The following CSMD1 variants were observed in gnomAD, a reference collection of about 807,000 sequenced individuals.
The protein encoded by CSMD1 is CUB and Sushi multiple domains 1.
In CSMD1, 213 loss-of-function variants were observed where a neutral mutation model predicts 417.5. The ratio of observed to expected loss-of-function variants is 0.51; its 90% CI spans 0.46 to 0.57. The LOEUF is 0.57. CSMD1 is among the 20% of genes least tolerant of loss of function. CSMD1 has a pLI of 0.00. For synonymous variants in CSMD1, 2,862 were observed against 1,736.8 expected (o/e 1.65, Z -16.11); for missense variants, 6,923 against 4,529.7 (o/e 1.53, Z -15.17).
At chr8:3,231,716 T>C (rs1457827783) in intron 26 of CSMD1, among the ~76,000 whole-genome samples, 1 of 152,138 alleles carries the variant, frequency 6.6e-6, no homozygotes, top group Non-Finnish European at 1.5e-5. Flanking sequence ...TATCCAATAG[T>C]GTCATATGAT....
intron 3 of CSMD1, among the ~76,000 whole-genome samples, chr8:4,345,151 A>C (rs1335072675): frequency 2.0e-5 from 3 of 152,164 alleles, no homozygotes; most frequent in Admixed American, 1.3e-4. Context: ...AAGAAGCAGA[A>C]AACAGTGGAA....
chr8:4,083,134 A>G (rs936236060), intron 3 of CSMD1, among the ~76,000 whole-genome samples: 37 of 152,232 alleles, frequency 2.4e-4, no homozygotes, highest in African/African-American at 8.9e-4. Flanking sequence ...ATACCCAGTA[A>G]CGGGATGGCT....
At chr8:4,890,393 C>T (rs939419570) in intron 1 of CSMD1, among the ~76,000 whole-genome samples, 3 of 151,904 alleles carry the variant, frequency 2.0e-5, no homozygotes, top group Admixed American at 2.0e-4. Context: ...CAGCCATGGG[C>T]ATCCTGGGCA....
chr8:4,452,548 TTTTTC>T (rs1799211815), intron 2 of CSMD1, among the ~76,000 whole-genome samples: 1 of 152,200 alleles, frequency 6.6e-6, no homozygotes. Flanking sequence ...AATAATTCAC[TTTTTC>T]CAATCATTTT....
chr8:3,543,750 G>A (rs1305475195), intron 10 of CSMD1, among the ~76,000 whole-genome samples: 2 of 152,102 alleles, frequency 1.3e-5, no homozygotes, highest in Non-Finnish European at 2.9e-5. Context: ...GATGTCTGTT[G>A]GACACTTAGT....
intron 5 of CSMD1, among the ~76,000 whole-genome samples, chr8:3,949,679 G>T (rs867233686): frequency 6.6e-6 from 1 of 152,052 alleles, no homozygotes; most frequent in Admixed American, 6.6e-5. Context: ...AGGAGGAGGA[G>T]AAGGAGGAAT....
intron 6 of CSMD1, among the ~76,000 whole-genome samples, chr8:3,734,777 C>G (rs1796441035): frequency 6.6e-6 from 1 of 152,186 alleles, no homozygotes; most frequent in African/African-American, 2.4e-5. Flanking sequence ...AATCAGATCT[C>G]TCTGCTCTCT....
chr8:3,827,828 C>G (rs1438506452), intron 5 of CSMD1, among the ~76,000 whole-genome samples: 4 of 152,146 alleles, frequency 2.6e-5, no homozygotes, highest in Admixed American at 2.6e-4. Context: ...AAAAGTCGGT[C>G]CACTAATAAC....
chr8:3,161,843 C>T (rs1233905489), intron 38 of CSMD1, among the ~76,000 whole-genome samples: 2 of 152,028 alleles, frequency 1.3e-5, no homozygotes, highest in Non-Finnish European at 2.9e-5. Flanking sequence ...TACTGGCTGC[C>T]AGGAGAGGAC....
At chr8:4,299,721 C>T (rs750650653) in intron 3 of CSMD1, among the ~76,000 whole-genome samples, 1 of 152,078 alleles carries the variant, frequency 6.6e-6, no homozygotes, top group Non-Finnish European at 1.5e-5. Context: ...ACCCCTGACT[C>T]CCCATTTCAA....
intron 7 of CSMD1, among the ~76,000 whole-genome samples, chr8:3,675,322 C>T (rs1799317312): frequency 6.6e-6 from 1 of 152,214 alleles, no homozygotes; most frequent in Non-Finnish European, 1.5e-5. Context: ...CACGTCTCCA[C>T]TGTCTAACAT....
chr8:3,438,667 T>G (rs766153646), intron 12 of CSMD1, among the ~76,000 whole-genome samples: 63 of 152,220 alleles, frequency 4.1e-4, no homozygotes, highest in African/African-American at 1.5e-3. Flanking sequence ...TTTGGGTGAT[T>G]TCCTGTCTTT....
At position 4,220,135 on chromosome 8, in the gene CSMD1, G is replaced by A. The variant is rs573881852; in HGVS notation, c.416-188036C>T. 4.6e-5 allele frequency among the ~76,000 whole-genome samples: 7 copies of A among 152,148 alleles called. No homozygotes were observed. The East Asian group carries it at 1.2e-3, about 25-fold the overall frequency. On this transcript the variant is annotated intron_variant, in intron 3 of 69. Transcript: ENST00000635120. ...CAGCTGATTTTTTGTATTTTCAGTA[G>A]AGACAGGGTTTTGCCATGTCGGCCA...
At chr8:3,914,406 G>A (rs1159723402) in intron 5 of CSMD1, among the ~76,000 whole-genome samples, 1 of 152,092 alleles carries the variant, frequency 6.6e-6, no homozygotes, top group Non-Finnish European at 1.5e-5. Context: ...GATGTTTGGT[G>A]CAAGAAAGGA....
At chr8:3,344,328 C>A (rs1807848639) in intron 22 of CSMD1, among the ~76,000 whole-genome samples, 1 of 152,116 alleles carries the variant, frequency 6.6e-6, no homozygotes, top group Non-Finnish European at 1.5e-5. Context: ...TCTAGTAGGA[C>A]AAATACCTAA....
At chr8:3,174,940 T>G (rs1377482106) in intron 37 of CSMD1, among the ~76,000 whole-genome samples, 2 of 152,238 alleles carry the variant, frequency 1.3e-5, no homozygotes, top group Non-Finnish European at 2.9e-5. Flanking sequence ...AGATCTTATT[T>G]GTTCATGACA....
chr8:3,797,086 C>A (rs1346728371), intron 5 of CSMD1, among the ~76,000 whole-genome samples: 1 of 151,812 alleles, frequency 6.6e-6, no homozygotes, highest in African/African-American at 2.4e-5. Flanking sequence ...TGGACTTCTC[C>A]TTTAATGGGT....
At chr8:4,035,981 T>C (rs371493014) in intron 3 of CSMD1, among the ~76,000 whole-genome samples, 1 of 152,172 alleles carries the variant, frequency 6.6e-6, no homozygotes, top group East Asian at 1.9e-4. Context: ...GTAACACTTT[T>C]TTTTATTTTT....
chr8:3,806,540 C>G (rs1800753904), intron 5 of CSMD1, among the ~76,000 whole-genome samples: 1 of 152,124 alleles, frequency 6.6e-6, no homozygotes, highest in Non-Finnish European at 1.5e-5. Context: ...TATTCACTCA[C>G]TACCTACACG....
Sources: gnomAD v4.1 joint callset for allele counts (sites outside exome capture counted in the v4.1 genomes callset) on GRCh38, gnomAD v4.1.1 for gene constraint, MANE v1.5 for transcripts, NCBI Gene and HGNC (gene_info 2026-07-23, HGNC 2026-07-21) for gene names.